DEPDC5: variants seen among roughly 807,000 people sequenced by gnomAD.
DEPDC5 encodes DEP domain containing 5, GATOR1 subcomplex subunit, also known as GATOR1 complex protein DEPDC5.
A neutral mutation model predicts 217.3 loss-of-function variants in DEPDC5; 73 were observed. The ratio of observed to expected loss-of-function variants is 0.34; its 90% CI spans 0.28 to 0.41. The LOEUF is 0.41. Ranked by LOEUF, DEPDC5 falls within the 10% of genes least tolerant of loss-of-function variation. DEPDC5 has a pLI of 1.00. For missense variants in DEPDC5, 1,675 were observed against 2,070.1 expected (o/e 0.81, Z 3.70); for synonymous variants, 733 against 756.7 (o/e 0.97, Z 0.51).
intron 37 of DEPDC5, among the ~76,000 whole-genome samples, chr22:31,876,704 C>T (rs530929683): frequency 2.0e-3 from 311 of 152,278 alleles, no homozygotes; most frequent in African/African-American, 7.4e-3. Flanking sequence ...ACTATCAAGT[C>T]CTAGCAAGTT....
intron 38 of DEPDC5, among the ~76,000 whole-genome samples, chr22:31,882,560 C>G (rs1486082779): frequency 6.6e-6 from 1 of 152,180 alleles, no homozygotes; most frequent in Non-Finnish European, 1.5e-5. Flanking sequence ...CATATTTACT[C>G]CACTGATTTC....
At chr22:31,879,875 G>A in intron 38 of DEPDC5, 123 bp downstream of exon 38, 1 of 941,780 alleles carries the variant, frequency 1.1e-6, no homozygotes, top group Non-Finnish European at 1.6e-6. Flanking sequence ...CGTCACACAG[G>A]CCACTGTGTC....
intron 38 of DEPDC5, among the ~76,000 whole-genome samples, chr22:31,887,922 A>G (rs549946964): frequency 1.3e-5 from 2 of 152,330 alleles, no homozygotes; most frequent in Non-Finnish European, 2.9e-5. Flanking sequence ...GAAAAAAAAT[A>G]ACATGATTTA....
At chr22:31,791,988 T>G (rs2085712678) in intron 10 of DEPDC5, 45 bp from the exon 11 acceptor site, 2 of 1,191,390 alleles carry the variant, frequency 1.7e-6, no homozygotes, top group African/African-American at 1.6e-5. Context: ...CATAGTGAAG[T>G]AAATGAAACA....
At chr22:31,787,032 G>A (rs1424123531) in intron 10 of DEPDC5, among the ~76,000 whole-genome samples, 3 of 151,744 alleles carry the variant, frequency 2.0e-5, no homozygotes, top group Non-Finnish European at 4.4e-5. Context: ...CGCCTGCCTC[G>A]GCCTCCCAAA....
At chr22:31,827,675 G>A (rs917106941) in intron 24 of DEPDC5, among the ~76,000 whole-genome samples, 3 of 151,614 alleles carry the variant, frequency 2.0e-5, no homozygotes, top group Non-Finnish European at 4.4e-5. Flanking sequence ...TCATGTGGCT[G>A]CTTGTTACGC....
intron 34 of DEPDC5, among the ~76,000 whole-genome samples, chr22:31,872,775 A>G (rs929363395): frequency 2.6e-5 from 4 of 151,834 alleles, no homozygotes; most frequent in African/African-American, 9.7e-5. Context: ...TTTATTTGAG[A>G]CAGTCTCGCT....
intron 30 of DEPDC5, among the ~76,000 whole-genome samples, chr22:31,846,210 A>C (rs1299765262): frequency 6.6e-6 from 1 of 152,050 alleles, no homozygotes; most frequent in East Asian, 1.9e-4. Flanking sequence ...TCCAAACATC[A>C]CAGAAAAGAG....
intron 31 of DEPDC5, among the ~76,000 whole-genome samples, chr22:31,850,403 C>T (rs892637540): frequency 2.6e-4 from 39 of 152,192 alleles, no homozygotes; most frequent in African/African-American, 7.7e-4. Flanking sequence ...TCCACATTCA[C>T]GTAACTTTTC....
At chr22:31,841,734 G>A (rs2091405101) in intron 27 of DEPDC5, among the ~76,000 whole-genome samples, 1 of 152,204 alleles carries the variant, frequency 6.6e-6, no homozygotes, top group African/African-American at 2.4e-5. Context: ...TTTTCCATCT[G>A]CCTCACAGAA....
intron 29 of DEPDC5, 116 bp from the exon 30 acceptor site, chr22:31,844,902 G>A: frequency 9.7e-7 from 1 of 1,028,224 alleles, no homozygotes; most frequent in Non-Finnish European, 1.5e-6. Context: ...CATCAAATGA[G>A]CACATACTCA....
At chr22:31,876,722 TA>T (rs2093000520) in intron 37 of DEPDC5, among the ~76,000 whole-genome samples, 1 of 152,236 alleles carries the variant, frequency 6.6e-6, no homozygotes, top group Non-Finnish European at 1.5e-5. Flanking sequence ...GTTTTCCAAG[TA>T]ATATTTTAAG....
At chr22:31,836,909 GC>G in intron 25 of DEPDC5, 62 bp from the exon 26 acceptor site, 1 of 1,394,784 alleles carries the variant, frequency 7.2e-7, no homozygotes, top group Non-Finnish European at 9.8e-7. Context: ...CCCTCCCCTG[GC>G]CCCCCATCCC....
Position 31,754,974 on chromosome 22 carries a change from G to A in DEPDC5, c.53G>A (p.Gly18Asp). 7 of 1,614,204 alleles carry A rather than the reference G, an allele frequency of 4.3e-6. No individual in the cohort carries two copies. Among genetic ancestry groups the A allele is most frequent in the South Asian group, 1.1e-5 (1 of 91,078 alleles). ...GTCATCCACAAGAAGGGCTTTGGGGGCAGTGGTCAGTATCGATTGGTCTTT... is the reference window on the plus strand; with the variant it reads ...GTCATCCACAAGAAGGGCTTTGGGGACAGTGGTCAGTATCGATTGGTCTTT... ...KLVIHKKGFG[G>D]SDDELVVNPK... is the part of the protein sequence containing the mutation. The change falls in exon 2 of 43, where the codon GGC becomes GAC. Residue 18 changes from glycine (G) to aspartate (D), a missense_variant. By Grantham distance (94) the Gly-to-Asp change is moderately conservative. Transcript: ENST00000651528.
Position 31,826,628 on chromosome 22 carries a change from C to T in DEPDC5, c.2104+3838C>T, listed in dbSNP as rs191992570. On this transcript the variant is annotated intron_variant, in intron 24 of 42. Transcript: ENST00000651528. ...GTTCCCCCTCCTTCCCATGCCCTCC[C>T]GGGGTGTGTTAGGCATGTTTCCGCA... 2.0e-3 allele frequency: 655 copies of T among 325,292 alleles called. 2 individuals are homozygous for T. Among genetic ancestry groups the T allele is most frequent in the Non-Finnish European group, 3.1e-3 (509 of 165,446 alleles). 20.2% of individuals were successfully genotyped at this position (325,292 alleles called of 1,614,324 possible). A position where few individuals can be genotyped will look rare whatever the true frequency, so the allele number is the denominator to read the frequency against.
Position 31,903,601 on chromosome 22 carries a change from C to T in DEPDC5, c.4436+1799C>T, listed in dbSNP as rs112651189. ...CCACACCTAAACCCCCCCTTATACA[C>T]GTAAACTCCCTCACCTTCCACACCT... On this transcript the variant is annotated intron_variant, in intron 41 of 42. Coordinates refer to ENST00000651528, the MANE Select transcript of DEPDC5 (RefSeq NM_001242896.3). Among the ~76,000 whole-genome samples, 95 of 20,992 alleles carry T rather than the reference C, an allele frequency of 4.5e-3. 4 individuals carry two copies. The highest frequency in any genetic ancestry group is 0.012 in the South Asian group (3 of 258). The allele number at this position is 20,992 out of a possible 152,430, so 13.8% of individuals were successfully genotyped here.
At chr22:31,813,069 A>G (rs935163598) in intron 20 of DEPDC5, among the ~76,000 whole-genome samples, 1 of 152,146 alleles carries the variant, frequency 6.6e-6, no homozygotes, top group African/African-American at 2.4e-5. Context: ...TTTAAGCGCA[A>G]CTGAGTGGAA....
At chr22:31,859,700 C>T (rs1254955759) in intron 32 of DEPDC5, among the ~76,000 whole-genome samples, 2 of 152,182 alleles carry the variant, frequency 1.3e-5, no homozygotes, top group African/African-American at 4.8e-5. Context: ...GCCGTAAAAA[C>T]CATTCTTAGC....
intron 10 of DEPDC5, among the ~76,000 whole-genome samples, chr22:31,787,002 A>G (rs893517276): frequency 6.6e-6 from 1 of 151,218 alleles, no homozygotes; most frequent in Non-Finnish European, 1.5e-5. Context: ...CTGGTCTTGA[A>G]CTCCTAACCT....
Sources: gnomAD v4.1 joint callset for allele counts (sites outside exome capture counted in the v4.1 genomes callset) on GRCh38, gnomAD v4.1.1 for gene constraint, MANE v1.5 for transcripts, NCBI Gene and HGNC (gene_info 2026-07-23, HGNC 2026-07-21) for gene names.